PCDH9: variants seen among roughly 807,000 people sequenced by gnomAD.
PCDH9 encodes the protein protocadherin 9.
In PCDH9, 24 loss-of-function variants were observed where a neutral mutation model predicts 70.6. The ratio of observed to expected loss-of-function variants is 0.34; its 90% CI spans 0.25 to 0.48. PCDH9 has a LOEUF of 0.48. Among genes scored for constraint, PCDH9 ranks in the 20% least tolerant of loss-of-function variants. PCDH9 has a pLI of 0.99. For missense variants in PCDH9, 1,281 were observed against 1,503.6 expected (o/e 0.85, Z 2.45); for synonymous variants, 562 against 558.5 (o/e 1.01, Z -0.09).
chr13:67,022,106 CTTTTTTTTTTTTTTTTTTTTTTT>C (rs71110623), intron 2 of PCDH9, among the ~76,000 whole-genome samples: 2 of 35,372 alleles, frequency 5.7e-5, no homozygotes, highest in Admixed American at 4.8e-4. Context: ...AGGTGATGTT[CTTTTTTTTTTTTTTTTTTTTTTT>C]TTTTTTTTTT....
chr13:66,337,486 C>A (rs1956055816), intron 4 of PCDH9, among the ~76,000 whole-genome samples: 1 of 151,964 alleles, frequency 6.6e-6, no homozygotes, highest in Admixed American at 6.6e-5. Context: ...CATCTTGTCT[C>A]AAAACTGGTT....
At chr13:66,763,895 T>C (rs1228195769) in intron 3 of PCDH9, among the ~76,000 whole-genome samples, 1 of 152,010 alleles carries the variant, frequency 6.6e-6, no homozygotes, top group Admixed American at 6.6e-5. Flanking sequence ...GCCTCCTGGA[T>C]TCAAGCAATT....
chr13:67,142,728 C>T (rs1158412846), intron 2 of PCDH9, among the ~76,000 whole-genome samples: 6 of 151,872 alleles, frequency 4.0e-5, no homozygotes, highest in Non-Finnish European at 8.8e-5. Context: ...ATGCCAGGCC[C>T]GGTGGCTCAT....
chr13:66,505,569 G>C (rs911964340), intron 4 of PCDH9, among the ~76,000 whole-genome samples: 1 of 152,140 alleles, frequency 6.6e-6, no homozygotes, highest in Non-Finnish European at 1.5e-5. Context: ...ATGGTTGAGG[G>C]GGAGGCCTCA....
At chr13:66,309,162 AATTC>A (rs1242924792) in intron 4 of PCDH9, among the ~76,000 whole-genome samples, 1 of 152,054 alleles carries the variant, frequency 6.6e-6, no homozygotes. Context: ...GTCTCTATGT[AATTC>A]CCAGTAATTG....
Position 66,729,473 on chromosome 13 carries a change from A to T in PCDH9, c.3139-98062T>A, listed in dbSNP as rs1309409052. Among the ~76,000 whole-genome samples, 4 of 151,956 alleles carry T rather than the reference A, an allele frequency of 2.6e-5. No individual in the cohort carries two copies. The South Asian group carries it at 6.2e-4, about 24-fold the overall frequency. ...CATAAATTGTAAATCGATTTGTTTT[A>T]CTCCCCTATTTAACAATCTTTATAC... On this transcript the variant is annotated intron_variant, in intron 3 of 4. Coordinates refer to ENST00000377865, the MANE Select transcript of PCDH9 (RefSeq NM_203487.3).
At chr13:67,142,400 T>C (rs1025713122) in intron 2 of PCDH9, among the ~76,000 whole-genome samples, 1 of 152,180 alleles carries the variant, frequency 6.6e-6, no homozygotes. Context: ...TTTTACCAAT[T>C]AGGACTTATA....
At chr13:66,473,842 C>G (rs765753485) in intron 4 of PCDH9, among the ~76,000 whole-genome samples, 2 of 152,140 alleles carry the variant, frequency 1.3e-5, no homozygotes, top group Non-Finnish European at 2.9e-5. Context: ...ATATCTGGCT[C>G]TCTATCTCCT....
chr13:66,631,334 C>T lies in PCDH9; in HGVS notation c.3216G>A (p.Glu1072=), dbSNP rs1422154700. The part of the protein sequence containing the change: ...SCSDSGLGDH[E]PVGSGTLISH... ...AGATCAGGGTTCCACTACCCACCGG[C>T]TCATGGTCTCCTAGACCACTGTCAC... is the stretch of plus-strand genomic sequence containing the variant. Residue 1072 remains glutamate (E), a synonymous_variant, in exon 4 of 5, where the codon GAG becomes GAA. Coordinates refer to ENST00000377865, the MANE Select transcript of PCDH9 (RefSeq NM_203487.3). The T allele has an allele frequency of 1.2e-6, 2 of 1,607,784 alleles. No homozygotes were observed. The highest frequency in any genetic ancestry group is 1.7e-6 in the Non-Finnish European group (2 of 1,174,374).
chr13:66,689,879 A>C (rs906630230), intron 3 of PCDH9, among the ~76,000 whole-genome samples: 1 of 152,178 alleles, frequency 6.6e-6, no homozygotes, highest in Non-Finnish European at 1.5e-5. Context: ...CTTGAGTTTT[A>C]TTGAATGTTT....
At chr13:66,507,293 G>C (rs1420791808) in intron 4 of PCDH9, among the ~76,000 whole-genome samples, 1 of 152,102 alleles carries the variant, frequency 6.6e-6, no homozygotes, top group Non-Finnish European at 1.5e-5. Flanking sequence ...GCTCCTTAAG[G>C]CAAAATGTAT....
rs995338132 is a variant in PCDH9, at chr13:66,652,500, G to T, written c.3139-21089C>A. Among the ~76,000 whole-genome samples, 11 of 151,496 alleles carry T rather than the reference G, an allele frequency of 7.3e-5. 1 individual carries two copies. Among genetic ancestry groups the T allele is most frequent in the Admixed American group, 2.0e-4 (3 of 15,222 alleles). Reference sequence around the variant, plus strand: ...TAAAGAGGTCACACAAAAAAGGAAAGATATCTATGTTCATGAATTGGAAGA... The same window carrying T: ...TAAAGAGGTCACACAAAAAAGGAAATATATCTATGTTCATGAATTGGAAGA... On this transcript the variant is annotated intron_variant, in intron 3 of 4. Coordinates refer to ENST00000377865, the MANE Select transcript of PCDH9 (RefSeq NM_203487.3).
chr13:66,314,810 T>C (rs1287538246), intron 4 of PCDH9, among the ~76,000 whole-genome samples: 1 of 152,196 alleles, frequency 6.6e-6, no homozygotes, highest in East Asian at 1.9e-4. Flanking sequence ...CTCCCATCAA[T>C]ATTTTCACCC....
At chr13:66,457,634 G>A (rs1958343833) in intron 4 of PCDH9, among the ~76,000 whole-genome samples, 1 of 152,018 alleles carries the variant, frequency 6.6e-6, no homozygotes, top group African/African-American at 2.4e-5. Context: ...AAATCAGAAT[G>A]TCTGGAAGTG....
chr13:66,326,326 T>C (rs181692655), intron 4 of PCDH9, among the ~76,000 whole-genome samples: 79 of 151,818 alleles, frequency 5.2e-4, no homozygotes, highest in African/African-American at 1.7e-3. Flanking sequence ...ATGTATTTTA[T>C]ATTGTTTTAT....
At chr13:66,338,399 T>A (rs1956072180) in intron 4 of PCDH9, among the ~76,000 whole-genome samples, 1 of 152,020 alleles carries the variant, frequency 6.6e-6, no homozygotes, top group African/African-American at 2.4e-5. Context: ...ATAATTAAAA[T>A]GAGAGGTTTT....
At chr13:66,343,404 T>C (rs1956162656) in intron 4 of PCDH9, among the ~76,000 whole-genome samples, 1 of 152,204 alleles carries the variant, frequency 6.6e-6, no homozygotes, top group Admixed American at 6.5e-5. Flanking sequence ...TATCAGCATA[T>C]TCAAACTGTC....
intron 3 of PCDH9, among the ~76,000 whole-genome samples, chr13:66,695,802 G>A (rs1335010292): frequency 6.6e-6 from 1 of 152,058 alleles, no homozygotes; most frequent in Non-Finnish European, 1.5e-5. Context: ...GAGATTAAAT[G>A]TAGTTCACAT....
At chr13:66,984,463 A>T (rs1269140920) in intron 2 of PCDH9, among the ~76,000 whole-genome samples, 72 of 152,276 alleles carry the variant, frequency 4.7e-4, no homozygotes, top group Non-Finnish European at 1.0e-4. Flanking sequence ...TGCTCTGATG[A>T]TGTTACTTCT....
Sources: allele counts gnomAD v4.1 joint callset (sites outside exome capture counted in the v4.1 genomes callset), GRCh38; gene constraint gnomAD v4.1.1; transcripts MANE v1.5; gene names NCBI Gene and HGNC (gene_info 2026-07-23, HGNC 2026-07-21).